The following DIP2B variants were observed in gnomAD, a reference collection of about 807,000 sequenced individuals.
DIP2B encodes the protein disco-interacting protein 2 homolog B.
Under a neutral mutation model 198.0 loss-of-function variants are expected in DIP2B, and 76 were observed. The observed-to-expected ratio is 0.38, with a 90% CI of 0.32 to 0.46. DIP2B has a LOEUF of 0.46. Ranked by LOEUF, DIP2B falls within the 20% of genes least tolerant of loss-of-function variation. The pLI, the probability that DIP2B is intolerant of heterozygous loss-of-function variation, is 0.99. For synonymous variants in DIP2B, 701 were observed against 739.1 expected, an observed-to-expected ratio of 0.95 and a Z score of 0.84; for missense variants, 1,559 against 1,978.4, an observed-to-expected ratio of 0.79 and a Z score of 4.02.
At position 50,671,220 on chromosome 12, in the gene DIP2B, G is replaced by C. The variant is rs760132197; in HGVS notation, c.462G>C (p.Leu154=). ...TSSASEDEGS[L]RRQAALSAAL... ...CGGCCTCTGAGGATGAGGGCTCTCT[G>C]AGACGCCAAGCTGCGCTCTCTGCTG... The change falls in exon 5 of 38, where the codon CTG becomes CTC. Residue 154 remains leucine, a synonymous_variant. Coordinates refer to ENST00000301180, the MANE Select transcript of DIP2B (RefSeq NM_173602.3). The C allele has an allele frequency of 1.2e-6, 2 of 1,614,134 alleles. No homozygotes were observed. Among genetic ancestry groups the C allele is most frequent in the Non-Finnish European group, 1.7e-6 (2 of 1,180,030 alleles).
rs72095442 is a variant in DIP2B at position 50,534,369 on chromosome 12, A to ATTTTTT, written c.100+29145_100+29150dup. On this transcript the variant is annotated intron_variant, in intron 1 of 37. Coordinates refer to ENST00000301180, the MANE Select transcript of DIP2B (RefSeq NM_173602.3). ...GACTCTTTTTACACATTCTCATTTC[A>ATTTTTT]TTTTTTTTTTTTTTTTTTTTTGAGA... Among the ~76,000 whole-genome samples, 75 of 107,874 alleles carry ATTTTTT rather than the reference A, an allele frequency of 7.0e-4. 1 individual carries two copies. The highest frequency in any genetic ancestry group is 8.3e-4 in the Non-Finnish European group (47 of 56,462). The allele number at this position is 107,874 out of a possible 152,430, so 70.8% of individuals were successfully genotyped here.
intron 1 of DIP2B, among the ~76,000 whole-genome samples, chr12:50,566,988 A>AG (rs1214623662): frequency 2.6e-5 from 4 of 151,020 alleles, no homozygotes; most frequent in Non-Finnish European, 4.4e-5. Context: ...AAAAAAAAAA[A>AG]AAAAGAAAGA....
chr12:50,656,007 C>T (rs1191059015), intron 3 of DIP2B, among the ~76,000 whole-genome samples: 1 of 151,996 alleles, frequency 6.6e-6, no homozygotes, highest in African/African-American at 2.4e-5. Context: ...TTAAAATGTA[C>T]TTCCTGTGTA....
rs1456387275 is a variant in DIP2B, at chr12:50,685,942, T to C, written c.1427T>C (p.Ile476Thr). 1 of 1,613,812 alleles carries C rather than the reference T, an allele frequency of 6.2e-7. No homozygotes were observed. Among genetic ancestry groups the C allele is most frequent in the East Asian group, 2.2e-5 (1 of 44,858 alleles). ...CTGCCAAAAACCCAGAATGGAGAAA[T>C]TGTACAGTTTAAAGGTTAGTAACAT... ...KGLPKTQNGEIVQFKGWPRLK... is the reference protein window; with the variant it reads ...KGLPKTQNGETVQFKGWPRLK... Residue 476 changes from isoleucine (I) to threonine (T), a missense_variant, in exon 11 of 38, where the codon ATT (isoleucine) becomes ACT (threonine). By Grantham distance (89) the Ile-to-Thr change is moderately conservative. Transcript: ENST00000301180.
intron 1 of DIP2B, among the ~76,000 whole-genome samples, chr12:50,509,508 G>A (rs1957995992): frequency 6.6e-6 from 1 of 152,194 alleles, no homozygotes. Flanking sequence ...ACTTCTCTGA[G>A]TACAAACAGT....
intron 1 of DIP2B, among the ~76,000 whole-genome samples, chr12:50,535,948 G>T (rs1342426641): frequency 8.7e-3 from 1,087 of 124,434 alleles, no homozygotes; most frequent in African/African-American, 8.9e-3. Context: ...AATATGGGGT[G>T]TTTGGTTTTT....
At chr12:50,613,448 C>G (rs528202568) in intron 1 of DIP2B, among the ~76,000 whole-genome samples, 1 of 152,214 alleles carries the variant, frequency 6.6e-6, no homozygotes. Flanking sequence ...TCCTCACTCC[C>G]AGTGCTCCAG....
chr12:50,554,308 A>T (rs1041991325), intron 1 of DIP2B, among the ~76,000 whole-genome samples: 2 of 152,208 alleles, frequency 1.3e-5, no homozygotes, highest in South Asian at 2.1e-4. Context: ...ATTAAATATT[A>T]GATTGATATT....
chr12:50,545,493 A>C (rs11169490), intron 1 of DIP2B, among the ~76,000 whole-genome samples: 48,100 of 146,884 alleles, frequency 0.33, 7,890 homozygotes, highest in South Asian at 0.4. Flanking sequence ...ATCTCACCCC[A>C]GCCTCCCGAG....
Position 50,718,726 on chromosome 12 carries a change from G to A in DIP2B, c.2869G>A (p.Val957Met), listed in dbSNP as rs114070912. The stretch of plus-strand genomic sequence containing the variant: ...ATTTACAGGTGTAGGCCCTGCTTCC[G>A]TGATGGTTGGGAATCTGGTTGCTGG... ...QKQPGVGPAS[V>M]MVGNLVAGKR... The change falls in exon 24 of 38, where the codon GTG (valine) becomes ATG (methionine). Residue 957 changes from valine to methionine, a missense_variant. By Grantham distance (21) the Val-to-Met change is conservative. Coordinates refer to ENST00000301180, the MANE Select transcript of DIP2B (RefSeq NM_173602.3). The A allele has an allele frequency of 6.0e-5, 97 of 1,614,144 alleles. No individual in the cohort carries two copies. In the African/African-American group the frequency reaches 9.3e-4, roughly 16 times the overall value.
At chr12:50,598,058 CT>C (rs1958893425) in intron 1 of DIP2B, among the ~76,000 whole-genome samples, 2 of 152,186 alleles carry the variant, frequency 1.3e-5, no homozygotes. Context: ...TCAGAAATAA[CT>C]CAAGTAATTT....
rs1468380724 is a variant in DIP2B at position 50,650,936 on chromosome 12, A to G, written c.302-9258A>G. On this transcript the variant is annotated intron_variant, in intron 3 of 37. Coordinates refer to ENST00000301180, the MANE Select transcript of DIP2B (RefSeq NM_173602.3). The stretch of plus-strand genomic sequence containing the variant: ...TTTACAATCCCACCAGTGGTGCACA[A>G]GGATTCCCATTTCTCCAAATCCTCT... Among the ~76,000 whole-genome samples the G allele has an allele frequency of 3.9e-5, 6 of 152,190 alleles. No individual in the cohort carries two copies. The South Asian group carries it at 1.0e-3, about 26-fold the overall frequency.
intron 3 of DIP2B, among the ~76,000 whole-genome samples, chr12:50,645,407 C>T (rs887297224): frequency 2.0e-5 from 3 of 150,780 alleles, no homozygotes; most frequent in African/African-American, 7.3e-5. Context: ...ATTTTATGAA[C>T]GTTAAAATGA....
intron 30 of DIP2B, 98 bp from the exon 31 acceptor site, chr12:50,731,271 C>G: frequency 6.9e-7 from 1 of 1,452,716 alleles, no homozygotes; most frequent in Non-Finnish European, 9.4e-7. Flanking sequence ...CTACACTGTC[C>G]TTTACACTCA....
chr12:50,670,482 C>T (rs1361414354), intron 4 of DIP2B, among the ~76,000 whole-genome samples: 5 of 152,056 alleles, frequency 3.3e-5, no homozygotes, highest in African/African-American at 1.2e-4. Flanking sequence ...GTGGTGCGAT[C>T]GTGGCTCACC....
At position 50,525,376 on chromosome 12, in the gene DIP2B, T is replaced by A. The variant is rs952435326; in HGVS notation, c.100+20136T>A. Among the ~76,000 whole-genome samples the A allele has an allele frequency of 4.9e-3, 620 of 126,868 alleles. 5 individuals carry two copies. The highest frequency in any genetic ancestry group is 0.017 in the African/African-American group (581 of 34,018). 83.2% of individuals were successfully genotyped at this position (126,868 alleles called of 152,430 possible). ...CCATCTCAAAAAAAAAAAAAAAAAA[T>A]ACAGAGAATACCGGTAGAGGGTTAT... is the stretch of plus-strand genomic sequence containing the variant. On this transcript the variant is annotated intron_variant, in intron 1 of 37. Coordinates refer to ENST00000301180, the MANE Select transcript of DIP2B (RefSeq NM_173602.3).
chr12:50,638,346 A>C (rs1199620168), intron 2 of DIP2B, among the ~76,000 whole-genome samples: 1 of 152,304 alleles, frequency 6.6e-6, no homozygotes, highest in East Asian at 1.9e-4. Flanking sequence ...CCTCAATCCA[A>C]ATACCTTTGG....
chr12:50,603,426 A>G (rs568130856), intron 1 of DIP2B, among the ~76,000 whole-genome samples: 3 of 152,226 alleles, frequency 2.0e-5, no homozygotes, highest in Admixed American at 1.3e-4. Flanking sequence ...CAAGTAAGGT[A>G]TTTGAGAATT....
intron 1 of DIP2B, among the ~76,000 whole-genome samples, chr12:50,607,098 T>G (rs1195355551): frequency 6.7e-6 from 1 of 148,410 alleles, no homozygotes; most frequent in East Asian, 2.1e-4. Flanking sequence ...TGGGCCATCA[T>G]GCTTGGCTTC....
Sources: gnomAD v4.1 joint callset for allele counts (sites outside exome capture counted in the v4.1 genomes callset) on GRCh38, gnomAD v4.1.1 for gene constraint, MANE v1.5 for transcripts, NCBI Gene and HGNC (gene_info 2026-07-23, HGNC 2026-07-21) for gene names.